Variants in NR2C1 observed in about 807,000 individuals in gnomAD.
NR2C1 encodes the protein TR2 nuclear hormone receptor.
Under a neutral mutation model 74.8 loss-of-function variants are expected in NR2C1, and 33 were observed. That is an observed-to-expected ratio of 0.44 (90% CI 0.33 to 0.59). NR2C1 has a LOEUF of 0.59. NR2C1 is among the 20% of genes least tolerant of loss of function. The pLI is 0.02. For synonymous variants in NR2C1, 225 were observed against 240.6 expected, an observed-to-expected ratio of 0.94 and a Z score of 0.60; for missense variants, 568 against 715.6, an observed-to-expected ratio of 0.79 and a Z score of 2.35.
chr12:95,047,629 A>G (rs1021948514), intron 9 of NR2C1, among the ~76,000 whole-genome samples: 5 of 152,230 alleles, frequency 3.3e-5, no homozygotes, highest in African/African-American at 1.2e-4. Context: ...TATAATCTAT[A>G]GTAAAAGTAT....
At chr12:95,029,211 A>T (rs1869745051) in intron 11 of NR2C1, among the ~76,000 whole-genome samples, 1 of 151,848 alleles carries the variant, frequency 6.6e-6, no homozygotes, top group African/African-American at 2.4e-5. Flanking sequence ...CCTCCTGAGT[A>T]GTTGGGACTA....
intron 7 of NR2C1, among the ~76,000 whole-genome samples, chr12:95,056,990 TAATA>T (rs1255108675): frequency 2.0e-5 from 3 of 150,338 alleles, no homozygotes; most frequent in African/African-American, 4.9e-5. Flanking sequence ...TTTACACCTA[TAATA>T]AATGTCTTAC....
intron 13 of NR2C1, among the ~76,000 whole-genome samples, chr12:95,024,381 T>C (rs1240170013): frequency 6.6e-6 from 1 of 152,178 alleles, no homozygotes; most frequent in Non-Finnish European, 1.5e-5. Context: ...TGCCCAAGGT[T>C]ATGAAGCTAG....
chr12:95,046,372 G>C (rs1872318412), intron 9 of NR2C1, among the ~76,000 whole-genome samples: 1 of 152,162 alleles, frequency 6.6e-6, no homozygotes, highest in African/African-American at 2.4e-5. Flanking sequence ...GATCACTTGA[G>C]GCCAGGAGTA....
chr12:95,051,919 T>C lies in NR2C1; in HGVS notation c.808A>G (p.Ser270Gly), dbSNP rs776491580. 1 of 1,591,906 alleles carries C rather than the reference T, an allele frequency of 6.3e-7. No homozygotes were observed. The highest frequency in any genetic ancestry group is 8.5e-7 in the Non-Finnish European group (1 of 1,173,640). ...GATGTAACCACATTGGCCAATGTACTTAAATCTCCCTGACATGATTCAGCC... is the reference window on the plus strand; with the variant it reads ...GATGTAACCACATTGGCCAATGTACCTAAATCTCCCTGACATGATTCAGCC... Reference protein sequence around the residue: ...DKAESCQGDLSTLANVVTSLA... With the variant: ...DKAESCQGDLGTLANVVTSLA... The change falls in exon 8 of 14, where the codon AGT becomes GGT. Residue 270 changes from serine (S) to glycine (G), a missense_variant. Ser to Gly is a moderately conservative substitution (Grantham distance 56, BLOSUM62 0). This residue lies in a region of NR2C1 where 239 missense variants were observed against 232.3 expected (regional missense o/e 1.03). Transcript: ENST00000333003.
chr12:95,052,096 G>A (rs1207137434), intron 7 of NR2C1, among the ~76,000 whole-genome samples, 153 bp from the exon 8 acceptor site: 2 of 151,696 alleles, frequency 1.3e-5, no homozygotes, highest in Non-Finnish European at 2.9e-5. Flanking sequence ...GAAATTTACT[G>A]AGGAAAATAC....
chr12:95,057,765 T>C lies in NR2C1; in HGVS notation c.658A>G (p.Thr220Ala), dbSNP rs781260782. Residue 220 changes from threonine (T) to alanine (A), a missense_variant, in exon 6 of 14, where the codon ACT becomes GCT. Physicochemically the swap from Thr to Ala is moderately conservative, Grantham distance 58 (BLOSUM62 0). This residue lies in a region of NR2C1 where 239 missense variants were observed against 232.3 expected (regional missense o/e 1.03). Transcript: ENST00000333003. ...RKDLRSPLTA[T>A]PTFVTDSEST... ...TCACTATCTGTTACAAAAGTTGGAGTTGCAGTTAATGGGCTACGAAGGTCC... is the reference window on the plus strand; with the variant it reads ...TCACTATCTGTTACAAAAGTTGGAGCTGCAGTTAATGGGCTACGAAGGTCC... The C allele has an allele frequency of 2.5e-6, 4 of 1,614,002 alleles. No individual in the cohort carries two copies. Among genetic ancestry groups the C allele is most frequent in the African/African-American group, 2.7e-5 (2 of 74,920 alleles).
In NR2C1 at chr12:95,021,617, G is replaced by A. The variant is rs1868783307; in HGVS notation, c.*612C>T. The A allele has an allele frequency of 6.6e-6, 1 of 152,070 alleles. No homozygotes were observed. Among genetic ancestry groups the A allele is most frequent in the South Asian group, 2.1e-4 (1 of 4,812 alleles). The allele number at this position is 152,070 out of a possible 1,614,324, so 9.4% of individuals were successfully genotyped here. On this transcript the variant is annotated 3_prime_UTR_variant, in exon 14 of 14. Transcript: ENST00000333003. Reference sequence around the variant, plus strand: ...ATACATTAAAAATGGCAACTCTTAAGATCATGAATGGCCTGTCTCACTGCC... The same window carrying A: ...ATACATTAAAAATGGCAACTCTTAAAATCATGAATGGCCTGTCTCACTGCC...
chr12:95,071,262 C>T (rs1389041394), intron 1 of NR2C1, among the ~76,000 whole-genome samples: 1 of 151,526 alleles, frequency 6.6e-6, no homozygotes, highest in Non-Finnish European at 1.5e-5. Flanking sequence ...CTTGAAGGGT[C>T]GAACAATTAT....
chr12:95,068,831 C>T (rs1177638525), intron 1 of NR2C1, among the ~76,000 whole-genome samples: 1 of 150,088 alleles, frequency 6.7e-6, no homozygotes, highest in Non-Finnish European at 1.5e-5. Flanking sequence ...GGCATGGTGG[C>T]GGGTGCCCGT....
At chr12:95,042,009 A>G (rs1018454342) in intron 9 of NR2C1, among the ~76,000 whole-genome samples, 4 of 152,214 alleles carry the variant, frequency 2.6e-5, no homozygotes, top group Non-Finnish European at 4.4e-5. Context: ...TCTCACAGAC[A>G]TCCAAGTGGA....
At chr12:95,033,224 A>AT (rs1870381152) in intron 10 of NR2C1, among the ~76,000 whole-genome samples, 1 of 152,206 alleles carries the variant, frequency 6.6e-6, no homozygotes, top group African/African-American at 2.4e-5. Context: ...GTTTGCCTTC[A>AT]TGAAAAAAAG....
At chr12:95,029,656 C>T (rs1394247218) in intron 11 of NR2C1, among the ~76,000 whole-genome samples, 1 of 149,030 alleles carries the variant, frequency 6.7e-6, no homozygotes, top group Non-Finnish European at 1.5e-5. Flanking sequence ...TTCCTGGGTT[C>T]AAGCAATTCT....
intron 9 of NR2C1, among the ~76,000 whole-genome samples, chr12:95,045,657 A>G (rs1326201740): frequency 6.6e-6 from 1 of 152,168 alleles, no homozygotes; most frequent in African/African-American, 2.4e-5. Context: ...ATGTGAAAAT[A>G]ATAAAATTTT....
chr12:95,061,731 C>A (rs1352509402), intron 3 of NR2C1, among the ~76,000 whole-genome samples: 2 of 152,014 alleles, frequency 1.3e-5, no homozygotes, highest in Non-Finnish European at 1.5e-5. Context: ...TTTAAGTAGA[C>A]CCCCTTCAAA....
At chr12:95,043,617 C>T (rs74783438) in intron 9 of NR2C1, among the ~76,000 whole-genome samples, 12 of 145,948 alleles carry the variant, frequency 8.2e-5, no homozygotes, top group African/African-American at 1.3e-4. Context: ...TGGAACCCAG[C>T]GGGTAGAGGC....
chr12:95,054,180 T>C (rs1873489732), intron 7 of NR2C1, among the ~76,000 whole-genome samples: 1 of 152,190 alleles, frequency 6.6e-6, no homozygotes, highest in South Asian at 2.1e-4. Flanking sequence ...TTAATACCTA[T>C]ATATGCATTT....
intron 10 of NR2C1, among the ~76,000 whole-genome samples, chr12:95,040,197 G>T (rs1046675883): frequency 2.0e-5 from 3 of 152,018 alleles, no homozygotes; most frequent in African/African-American, 4.8e-5. Context: ...GAAAGATGAG[G>T]CCTGTTACAA....
intron 11 of NR2C1, among the ~76,000 whole-genome samples, chr12:95,029,760 T>A (rs1468602529): frequency 6.6e-6 from 1 of 152,020 alleles, no homozygotes; most frequent in Admixed American, 6.6e-5. Context: ...AGTTTCACCA[T>A]GTTTGCCGGG....
Sources: allele counts gnomAD v4.1 joint callset (sites outside exome capture counted in the v4.1 genomes callset), GRCh38; gene constraint gnomAD v4.1.1; regional missense constraint gnomAD v4.1.1; transcripts MANE v1.5; gene names NCBI Gene and HGNC (gene_info 2026-07-23, HGNC 2026-07-21).